Variants in THSD7B observed in about 807,000 individuals in gnomAD.
The protein encoded by THSD7B is thrombospondin type-1 domain-containing protein 7B.
THSD7B carries 138 observed loss-of-function variants against 213.6 expected under a neutral mutation model. The ratio of observed to expected loss-of-function variants is 0.65; its 90% CI spans 0.56 to 0.74. The LOEUF is 0.74. THSD7B is among the 30% of genes least tolerant of loss of function. THSD7B has a pLI of 0.00. For missense variants in THSD7B, 1,931 were observed against 1,991.5 expected (o/e 0.97, Z 0.58); for synonymous variants, 742 against 687.0 (o/e 1.08, Z -1.25).
chr2:136,842,241 T>C (rs552046757), intron 1 of THSD7B, among the ~76,000 whole-genome samples: 12 of 152,320 alleles, frequency 7.9e-5, no homozygotes, highest in African/African-American at 2.9e-4. Context: ...AAAAAAGAAC[T>C]GCGCTGGGTT....
chr2:137,221,159 C>A (rs1234339606), intron 7 of THSD7B, among the ~76,000 whole-genome samples: 1 of 152,048 alleles, frequency 6.6e-6, no homozygotes, highest in Non-Finnish European at 1.5e-5. Flanking sequence ...TGGTGGCGGG[C>A]ACCTGTAGTC....
intron 15 of THSD7B, among the ~76,000 whole-genome samples, chr2:137,464,365 AC>A (rs1435343918): frequency 7.9e-5 from 12 of 152,052 alleles, no homozygotes; most frequent in Admixed American, 7.9e-4. Flanking sequence ...TGCAGACAAC[AC>A]CATTAGGAAA....
chr2:137,503,112 A>G (rs557481110), intron 15 of THSD7B, among the ~76,000 whole-genome samples: 10 of 152,346 alleles, frequency 6.6e-5, no homozygotes, highest in East Asian at 5.8e-4. Flanking sequence ...CAAATGGACT[A>G]TATATTATAA....
At chr2:137,134,485 C>T (rs72987582) in intron 5 of THSD7B, among the ~76,000 whole-genome samples, 3,127 of 152,154 alleles carry the variant, frequency 0.021, 75 homozygotes, top group African/African-American at 0.053. Context: ...TCAGCTGGAG[C>T]AGCAGTCCAG....
chr2:136,924,435 A>G (rs1021044267), intron 2 of THSD7B, among the ~76,000 whole-genome samples: 23 of 152,174 alleles, frequency 1.5e-4, no homozygotes, highest in African/African-American at 5.3e-4. Context: ...TCCCAGACCT[A>G]TTTGTTGAAG....
At chr2:137,055,604 T>C (rs532247110) in intron 2 of THSD7B, among the ~76,000 whole-genome samples, 2 of 152,318 alleles carry the variant, frequency 1.3e-5, no homozygotes, top group East Asian at 1.9e-4. Flanking sequence ...GTCCATTTCT[T>C]GGACTCTTAC....
At chr2:137,501,903 C>T (rs1679715540) in intron 15 of THSD7B, among the ~76,000 whole-genome samples, 1 of 152,134 alleles carries the variant, frequency 6.6e-6, no homozygotes. Context: ...CCCCTGAATG[C>T]AACTGGAAGT....
intron 2 of THSD7B, among the ~76,000 whole-genome samples, chr2:136,899,439 G>T (rs941384155): frequency 1.3e-5 from 2 of 152,112 alleles, no homozygotes; most frequent in East Asian, 1.9e-4. Context: ...GGGAACATGT[G>T]TCCAATTTTA....
chr2:137,478,587 G>C (rs772313503), intron 15 of THSD7B, among the ~76,000 whole-genome samples: 1 of 152,040 alleles, frequency 6.6e-6, no homozygotes, highest in Non-Finnish European at 1.5e-5. Flanking sequence ...GGAATCTCTT[G>C]TGGAAGAATT....
chr2:137,177,415 T>C (rs967910176), intron 7 of THSD7B, among the ~76,000 whole-genome samples: 7 of 152,186 alleles, frequency 4.6e-5, no homozygotes, highest in African/African-American at 1.7e-4. Context: ...GGTGTTAAGG[T>C]AATTACTTGT....
Position 137,357,102 on chromosome 2 carries a change from A to G in THSD7B, c.2501-48511A>G, listed in dbSNP as rs1468625647. Among the ~76,000 whole-genome samples the G allele has an allele frequency of 3.3e-5, 5 of 152,136 alleles. No individual in the cohort carries two copies. The East Asian group carries it at 9.6e-4, about 29-fold the overall frequency. The stretch of plus-strand genomic sequence containing the variant: ...TTTCTATTTATATTTGTTGAAACAT[A>G]TTAATGACATTATACGTGTATGATT... On this transcript the variant is annotated intron_variant, in intron 12 of 27. Coordinates refer to ENST00000409968, the MANE Select transcript of THSD7B (RefSeq NM_001316349.2).
chr2:137,329,396 C>T (rs886257147), intron 12 of THSD7B, among the ~76,000 whole-genome samples: 12 of 152,230 alleles, frequency 7.9e-5, no homozygotes, highest in East Asian at 3.9e-4. Flanking sequence ...GACAGAGTCT[C>T]GCACTGTTGC....
intron 12 of THSD7B, among the ~76,000 whole-genome samples, chr2:137,337,249 C>T (rs1386973593): frequency 6.6e-6 from 1 of 152,084 alleles, no homozygotes; most frequent in Admixed American, 6.5e-5. Flanking sequence ...CAGAATCCCA[C>T]ATTGCATTTA....
chr2:137,241,772 A>G (rs534258192), intron 9 of THSD7B, among the ~76,000 whole-genome samples: 2 of 152,216 alleles, frequency 1.3e-5, no homozygotes, highest in South Asian at 4.2e-4. Flanking sequence ...TTAGCCAGGC[A>G]TGATGGTGCA....
At chr2:136,858,752 A>C (rs889946924) in intron 1 of THSD7B, among the ~76,000 whole-genome samples, 1 of 152,136 alleles carries the variant, frequency 6.6e-6, no homozygotes, top group African/African-American at 2.4e-5. Context: ...CCCTCCCATT[A>C]TCTGAATTGC....
intron 2 of THSD7B, among the ~76,000 whole-genome samples, chr2:136,888,473 G>A (rs1683758309): frequency 6.6e-6 from 1 of 152,026 alleles, no homozygotes; most frequent in African/African-American, 2.4e-5. Context: ...GAATTTTAGA[G>A]AAAATAAAAT....
intron 7 of THSD7B, among the ~76,000 whole-genome samples, chr2:137,171,665 G>A (rs566800537): frequency 3.3e-5 from 5 of 152,298 alleles, no homozygotes; most frequent in African/African-American, 9.6e-5. Flanking sequence ...TCTGCCATGA[G>A]AAGCCCCACT....
intron 12 of THSD7B, among the ~76,000 whole-genome samples, chr2:137,296,396 C>A (rs1683463664): frequency 6.6e-6 from 1 of 152,052 alleles, no homozygotes; most frequent in Non-Finnish European, 1.5e-5. Context: ...ACAGAACTTA[C>A]AACAAAATAG....
At chr2:136,803,072 C>A (rs911625969) in intron 1 of THSD7B, among the ~76,000 whole-genome samples, 11 of 151,786 alleles carry the variant, frequency 7.2e-5, no homozygotes, top group Middle Eastern at 6.4e-3. Flanking sequence ...TACCTAGTAA[C>A]ATCCTTGATA....
Sources: gnomAD v4.1 joint callset for allele counts (sites outside exome capture counted in the v4.1 genomes callset) on GRCh38, gnomAD v4.1.1 for gene constraint, MANE v1.5 for transcripts, NCBI Gene and HGNC (gene_info 2026-07-23, HGNC 2026-07-21) for gene names.